Variants in ARHGEF26 observed in about 807,000 individuals in gnomAD.
ARHGEF26 encodes the protein Rho guanine nucleotide exchange factor 26.
Under a neutral mutation model 89.4 loss-of-function variants are expected in ARHGEF26, and 59 were observed. That is an observed-to-expected ratio of 0.66 (90% CI 0.54 to 0.82). The LOEUF is 0.82. ARHGEF26 is among the 40% of genes least tolerant of loss of function. The pLI, the probability that ARHGEF26 is intolerant of heterozygous loss-of-function variation, is 0.00. For missense variants in ARHGEF26, 1,234 were observed against 1,085.6 expected, an observed-to-expected ratio of 1.14 and a Z score of -1.92; for synonymous variants, 500 against 428.4, an observed-to-expected ratio of 1.17 and a Z score of -2.06.
chr3:154,129,431 A>T, intron 3 of ARHGEF26, 143 bp from the exon 4 acceptor site: 1 of 952,218 alleles, frequency 1.1e-6, no homozygotes, highest in Non-Finnish European at 1.5e-6. Context: ...ACTTTTCTGT[A>T]ATTATTCTTC....
rs760452914 is a variant in ARHGEF26, at chr3:154,236,387, G to C, written c.2091-3983G>C. Among the ~76,000 whole-genome samples, 3 of 152,190 alleles carry C rather than the reference G, an allele frequency of 2.0e-5. No individual in the cohort carries two copies. In the South Asian group the frequency reaches 6.2e-4, roughly 32 times the overall value. ...GAGCTGCTGCTTGCACAAAGCAGAC[G>C]CCTTGATGAGCAGCTGGTAAACTTG... On this transcript the variant is annotated intron_variant, in intron 11 of 14. Transcript: ENST00000465093.
chr3:154,249,020 T>C (rs1717958393), intron 12 of ARHGEF26, among the ~76,000 whole-genome samples: 2 of 152,100 alleles, frequency 1.3e-5, no homozygotes, highest in African/African-American at 2.4e-5. Flanking sequence ...TTTAGAGAAA[T>C]CAAAAGGAAC....
chr3:154,176,271 T>C (rs1162315137), intron 6 of ARHGEF26, among the ~76,000 whole-genome samples: 1 of 152,132 alleles, frequency 6.6e-6, no homozygotes, highest in Non-Finnish European at 1.5e-5. Flanking sequence ...TGGCAGAAAG[T>C]GAGGCTGGAG....
At chr3:154,180,734 A>G (rs1484513016) in intron 6 of ARHGEF26, among the ~76,000 whole-genome samples, 1 of 96,602 alleles carries the variant, frequency 1.0e-5, no homozygotes, top group East Asian at 3.6e-4. Flanking sequence ...TTATCAATCC[A>G]GAGATAAAAT....
chr3:154,233,882 A>G (rs1716957088), intron 11 of ARHGEF26, among the ~76,000 whole-genome samples: 1 of 152,254 alleles, frequency 6.6e-6, no homozygotes, highest in African/African-American at 2.4e-5. Context: ...GCACCAGCAC[A>G]TTCTAGTAAA....
intron 11 of ARHGEF26, among the ~76,000 whole-genome samples, chr3:154,234,832 C>G (rs1717012895): frequency 6.6e-6 from 1 of 152,150 alleles, no homozygotes; most frequent in South Asian, 2.1e-4. Flanking sequence ...GTGGCGCAAT[C>G]TCGGCTCACT....
intron 7 of ARHGEF26, among the ~76,000 whole-genome samples, 159 bp from the exon 8 acceptor site, chr3:154,191,130 G>A (rs1002062849): frequency 1.8e-4 from 27 of 152,242 alleles, no homozygotes; most frequent in African/African-American, 6.0e-4. Flanking sequence ...CAAGCCATTC[G>A]TATTTGCCAG....
intron 4 of ARHGEF26, among the ~76,000 whole-genome samples, chr3:154,145,601 C>T (rs1161062864): frequency 2.0e-5 from 3 of 152,024 alleles, no homozygotes; most frequent in African/African-American, 7.3e-5. Flanking sequence ...CATCTGTTTT[C>T]CCTAGTGGTG....
intron 6 of ARHGEF26, among the ~76,000 whole-genome samples, chr3:154,186,574 G>C (rs1383763871): frequency 1.3e-5 from 2 of 151,834 alleles, no homozygotes; most frequent in South Asian, 4.2e-4. Context: ...CAGCCTGGCC[G>C]ATATGGTGAA....
intron 2 of ARHGEF26, among the ~76,000 whole-genome samples, chr3:154,123,411 G>A (rs1718122327): frequency 6.6e-6 from 1 of 152,196 alleles, no homozygotes; most frequent in South Asian, 2.1e-4. Flanking sequence ...GGAGGAGCAT[G>A]TTCAGAACCG....
intron 8 of ARHGEF26, 116 bp downstream of exon 8, chr3:154,191,534 C>A: frequency 1.6e-6 from 2 of 1,245,340 alleles, no homozygotes; most frequent in East Asian, 2.5e-5. Flanking sequence ...TAAAAATCCC[C>A]CAATTAAGTG....
intron 4 of ARHGEF26, among the ~76,000 whole-genome samples, chr3:154,134,672 T>C (rs1718898488): frequency 6.6e-6 from 1 of 152,156 alleles, no homozygotes; most frequent in South Asian, 2.1e-4. Flanking sequence ...AGGGGAGTGC[T>C]TTCAGCTTTT....
Position 154,255,560 on chromosome 3 carries a change from TCA to T in ARHGEF26, c.*90_*91del. 6.6e-7 allele frequency: 1 copy of T among 1,504,950 alleles called. No individual in the cohort carries two copies. Among genetic ancestry groups the T allele is most frequent in the Non-Finnish European group, 8.8e-7 (1 of 1,130,904 alleles). 93.2% of individuals were successfully genotyped at this position (1,504,950 alleles called of 1,614,324 possible). Reference sequence around the variant, plus strand: ...TGGGCTAGTTTTATTGTTAATTTTGTCACAGCCTATTTAATTAAAAGAACGAA... The same window carrying T: ...TGGGCTAGTTTTATTGTTAATTTTGTCAGCCTATTTAATTAAAAGAACGAA... On this transcript the variant is annotated 3_prime_UTR_variant, in exon 15 of 15. Transcript: ENST00000465093.
At chr3:154,192,138 G>C (rs1042187257) in intron 8 of ARHGEF26, among the ~76,000 whole-genome samples, 6 of 152,154 alleles carry the variant, frequency 3.9e-5, no homozygotes, top group Non-Finnish European at 7.3e-5. Context: ...CTCGACACAG[G>C]TGCCATTCTA....
intron 10 of ARHGEF26, among the ~76,000 whole-genome samples, chr3:154,219,502 G>C (rs1715981633): frequency 6.6e-6 from 1 of 151,712 alleles, no homozygotes; most frequent in South Asian, 2.1e-4. Flanking sequence ...AGCTGAGGCA[G>C]GAGAATTGCT....
At chr3:154,167,343 A>G (rs537680947) in intron 6 of ARHGEF26, among the ~76,000 whole-genome samples, 47 of 152,320 alleles carry the variant, frequency 3.1e-4, no homozygotes, top group African/African-American at 1.1e-3. Flanking sequence ...TGCCTGAGAA[A>G]CAGAGTATTC....
intron 12 of ARHGEF26, among the ~76,000 whole-genome samples, chr3:154,241,848 G>A (rs1479335296): frequency 6.6e-6 from 1 of 152,192 alleles, no homozygotes; most frequent in Admixed American, 6.5e-5. Flanking sequence ...GGAGAATAAT[G>A]AATCTTATCA....
chr3:154,181,385 C>T (rs957494655), intron 6 of ARHGEF26, among the ~76,000 whole-genome samples: 2 of 152,148 alleles, frequency 1.3e-5, no homozygotes, highest in Admixed American at 1.3e-4. Context: ...TAGGATACTG[C>T]AGCCATTTAG....
chr3:154,189,237 C>G (rs969998967), intron 7 of ARHGEF26, among the ~76,000 whole-genome samples: 1 of 151,594 alleles, frequency 6.6e-6, no homozygotes, highest in East Asian at 1.9e-4. Context: ...TCATGTGACT[C>G]TTAAAGGTTT....
Sources: allele counts gnomAD v4.1 joint callset (sites outside exome capture counted in the v4.1 genomes callset), GRCh38; gene constraint gnomAD v4.1.1; transcripts MANE v1.5; gene names NCBI Gene and HGNC (gene_info 2026-07-23, HGNC 2026-07-21).